The following ABI3BP variants were observed in gnomAD, a reference collection of about 807,000 sequenced individuals.
The protein encoded by ABI3BP is target of Nesh-SH3.
A neutral mutation model predicts 268.6 loss-of-function variants in ABI3BP; 216 were observed. The observed-to-expected ratio is 0.80, with a 90% CI of 0.72 to 0.90. The LOEUF is 0.90. ABI3BP is among the 40% of genes least tolerant of loss of function. ABI3BP has a pLI of 0.00. For missense variants in ABI3BP, 2,090 were observed against 2,182.4 expected (o/e 0.96, Z 0.84); for synonymous variants, 730 against 730.0 (o/e 1.00, Z 0.00).
In ABI3BP at chr3:100,863,853, G is replaced by A. The variant is rs1038673633; in HGVS notation, c.1138+149C>T. 14 of 608,412 alleles carry A rather than the reference G, an allele frequency of 2.3e-5. No individual in the cohort carries two copies. In the African/African-American group the frequency reaches 2.6e-4, roughly 11 times the overall value. 37.7% of individuals were successfully genotyped at this position (608,412 alleles called of 1,614,324 possible). ...AACCCAACCAAACAATTTGTCATAG[G>A]GAGAGCCTCTTTGGGATCCTAAACT... is the stretch of plus-strand genomic sequence containing the variant. On this transcript the variant is annotated intron_variant, in intron 12 of 67. Coordinates refer to ENST00000471714, the MANE Select transcript of ABI3BP (RefSeq NM_001375547.2).
intron 1 of ABI3BP, among the ~76,000 whole-genome samples, chr3:100,928,974 G>A (rs970463190): frequency 1.3e-5 from 2 of 152,028 alleles, no homozygotes; most frequent in African/African-American, 4.8e-5. Flanking sequence ...CACAGATTTT[G>A]TCAATTTTTT....
intron 65 of ABI3BP, 40 bp downstream of exon 65, chr3:100,753,779 G>C: frequency 6.2e-7 from 1 of 1,604,150 alleles, no homozygotes; most frequent in Non-Finnish European, 8.5e-7. Flanking sequence ...AATAAATTTA[G>C]AAAAGCATGT....
chr3:100,884,972 A>G (rs564822487), intron 6 of ABI3BP, among the ~76,000 whole-genome samples: 1 of 112,782 alleles, frequency 8.9e-6, no homozygotes, highest in East Asian at 2.9e-4. Flanking sequence ...TGAAAAGTGG[A>G]AGGAAAGAGA....
intron 1 of ABI3BP, among the ~76,000 whole-genome samples, chr3:100,956,260 CAT>C (rs1325232448): frequency 0.011 from 1,049 of 97,316 alleles, 18 homozygotes; most frequent in African/African-American, 0.028. Context: ...CACACACACA[CAT>C]ATGGCATGTC....
chr3:100,982,551 G>T (rs961562499), intron 1 of ABI3BP, among the ~76,000 whole-genome samples: 4 of 151,704 alleles, frequency 2.6e-5, no homozygotes, highest in African/African-American at 7.3e-5. Flanking sequence ...CCAACCTAAT[G>T]ACTTACTCGG....
intron 14 of ABI3BP, 24 bp from the exon 15 acceptor site, chr3:100,851,964 A>C: frequency 2.0e-6 from 3 of 1,472,174 alleles, no homozygotes; most frequent in African/African-American, 1.4e-5. Context: ...AAAAGGCAAA[A>C]CAAGAGAGAT....
chr3:100,960,280 T>G (rs1225942448), intron 1 of ABI3BP, among the ~76,000 whole-genome samples: 1 of 152,178 alleles, frequency 6.6e-6, no homozygotes, highest in East Asian at 1.9e-4. Context: ...TATGAACCAG[T>G]GCAACATGCA....
chr3:100,770,448 A>G (rs1454841095), intron 62 of ABI3BP, among the ~76,000 whole-genome samples: 1 of 152,216 alleles, frequency 6.6e-6, no homozygotes, highest in Non-Finnish European at 1.5e-5. Context: ...TTTTCTGGAT[A>G]ATGAAAGACT....
Position 100,765,883 on chromosome 3 carries a change from T to G in ABI3BP, c.4808A>C (p.Asn1603Thr). ...ATTTTCTACTGTGGAAAATGTCTGA[T>G]TTGTCATTTGAATGGACTTGTTCTT... The part of the protein sequence containing the change: ...SGKNKSIQMT[N>T]QTFSTVENLK... Residue 1603 changes from asparagine (N) to threonine (T), a missense_variant, in exon 63 of 68, where the codon AAT becomes ACT. Transcript: ENST00000471714. 3 of 1,612,716 alleles carry G rather than the reference T, an allele frequency of 1.9e-6. No individual in the cohort carries two copies. The highest frequency in any genetic ancestry group is 2.2e-5 in the South Asian group (2 of 90,632).
At chr3:100,982,096 A>C (rs2089787143) in intron 1 of ABI3BP, among the ~76,000 whole-genome samples, 1 of 152,198 alleles carries the variant, frequency 6.6e-6, no homozygotes, top group Admixed American at 6.5e-5. Context: ...AAGAGAGAGA[A>C]TGTGTGAGAG....
At chr3:100,760,968 T>G (rs2095906959) in intron 63 of ABI3BP, among the ~76,000 whole-genome samples, 1 of 152,082 alleles carries the variant, frequency 6.6e-6, no homozygotes, top group Non-Finnish European at 1.5e-5. Flanking sequence ...GTTGTACAGA[T>G]TATTTTGTCA....
At chr3:100,850,282 T>A (rs905482752) in intron 16 of ABI3BP, among the ~76,000 whole-genome samples, 163 bp from the exon 17 acceptor site, 1 of 152,186 alleles carries the variant, frequency 6.6e-6, no homozygotes, top group Admixed American at 6.5e-5. Flanking sequence ...AATTCTGATT[T>A]AAAGTAGGGA....
chr3:100,811,313 G>C (rs1228200395), intron 47 of ABI3BP, 36 bp from the exon 48 acceptor site: 4 of 1,457,804 alleles, frequency 2.7e-6, no homozygotes, highest in Non-Finnish European at 3.7e-6. Flanking sequence ...TTTAGAAACT[G>C]TAAGATATTA....
At chr3:100,815,746 AAAC>A (rs2098017738) in intron 44 of ABI3BP, among the ~76,000 whole-genome samples, 163 bp downstream of exon 44, 1 of 152,166 alleles carries the variant, frequency 6.6e-6, no homozygotes, top group South Asian at 2.1e-4. Context: ...CATCTGCGAA[AAAC>A]AACAGGTAAC....
At chr3:100,912,656 G>C (rs1013685077) in intron 2 of ABI3BP, among the ~76,000 whole-genome samples, 2 of 152,136 alleles carry the variant, frequency 1.3e-5, no homozygotes, top group African/African-American at 4.8e-5. Context: ...AGACCTGAGC[G>C]GGTATAATCT....
intron 36 of ABI3BP, 85 bp from the exon 37 acceptor site, chr3:100,823,599 T>G: frequency 1.0e-6 from 1 of 999,272 alleles, no homozygotes; most frequent in Non-Finnish European, 1.4e-6. Context: ...TTTACTGGTA[T>G]GTCAATTCTT....
intron 2 of ABI3BP, among the ~76,000 whole-genome samples, chr3:100,916,704 T>A (rs2058713009): frequency 6.6e-6 from 1 of 152,164 alleles, no homozygotes; most frequent in African/African-American, 2.4e-5. Flanking sequence ...CATTTGACCA[T>A]CTATGTGCCC....
chr3:100,917,438 G>A (rs2153592317), intron 2 of ABI3BP, among the ~76,000 whole-genome samples: 1 of 151,616 alleles, frequency 6.6e-6, no homozygotes, highest in Middle Eastern at 3.4e-3. Flanking sequence ...CCTTGGTTTT[G>A]AAATGTAAAA....
intron 62 of ABI3BP, among the ~76,000 whole-genome samples, chr3:100,767,846 G>C (rs2096354439): frequency 1.3e-5 from 2 of 152,058 alleles, no homozygotes. Context: ...GTTGTGGTTT[G>C]AAAATATGAC....
Sources: allele counts gnomAD v4.1 joint callset (sites outside exome capture counted in the v4.1 genomes callset), GRCh38; gene constraint gnomAD v4.1.1; transcripts MANE v1.5; gene names NCBI Gene and HGNC (gene_info 2026-07-23, HGNC 2026-07-21).